Variants in CSMD1 observed in about 807,000 individuals in gnomAD.
The protein encoded by CSMD1 is CUB and Sushi multiple domains 1, also known as CUB and sushi domain-containing protein 1.
A neutral mutation model predicts 417.5 loss-of-function variants in CSMD1; 213 were observed. The observed-to-expected ratio is 0.51, with a 90% CI of 0.46 to 0.57. The LOEUF is 0.57. CSMD1 is among the 20% of genes least tolerant of loss of function. The pLI, the probability that CSMD1 is intolerant of heterozygous loss-of-function variation, is 0.00. For synonymous variants in CSMD1, 2,862 were observed against 1,736.8 expected (o/e 1.65, Z -16.11); for missense variants, 6,923 against 4,529.7 (o/e 1.53, Z -15.17).
chr8:3,158,341 T>C (rs1173659831), intron 38 of CSMD1, among the ~76,000 whole-genome samples: 1 of 152,086 alleles, frequency 6.6e-6, no homozygotes, highest in Non-Finnish European at 1.5e-5. Context: ...AATTAGAAAG[T>C]ACTAGGTGGT....
At chr8:4,185,090 G>C (rs887390559) in intron 3 of CSMD1, among the ~76,000 whole-genome samples, 1 of 127,692 alleles carries the variant, frequency 7.8e-6, no homozygotes, top group Non-Finnish European at 1.5e-5. Flanking sequence ...AGTGAGCCAA[G>C]ATCGCACCAC....
At chr8:3,016,572 G>T (rs1234983647) in intron 52 of CSMD1, among the ~76,000 whole-genome samples, 1 of 152,130 alleles carries the variant, frequency 6.6e-6, no homozygotes, top group Admixed American at 6.5e-5. Context: ...CAAAATGTTT[G>T]TGCTAAATGA....
chr8:4,876,214 G>C (rs1204176878), intron 1 of CSMD1, among the ~76,000 whole-genome samples: 1 of 151,950 alleles, frequency 6.6e-6, no homozygotes, highest in Non-Finnish European at 1.5e-5. Flanking sequence ...GCCACTTTTG[G>C]AGCTCAGTCT....
At chr8:4,173,464 G>C (rs1489199747) in intron 3 of CSMD1, among the ~76,000 whole-genome samples, 3 of 152,074 alleles carry the variant, frequency 2.0e-5, no homozygotes, top group African/African-American at 7.2e-5. Context: ...CAGAAGAAGA[G>C]ATAGTAAGTT....
intron 26 of CSMD1, among the ~76,000 whole-genome samples, chr8:3,255,410 A>G (rs1800577270): frequency 6.6e-6 from 1 of 152,154 alleles, no homozygotes; most frequent in African/African-American, 2.4e-5. Context: ...AGACAGGGAC[A>G]TTTCAGTCTG....
At chr8:3,240,230 T>A (rs538981893) in intron 26 of CSMD1, among the ~76,000 whole-genome samples, 1 of 151,956 alleles carries the variant, frequency 6.6e-6, no homozygotes, top group Non-Finnish European at 1.5e-5. Flanking sequence ...TGAAAAAGGT[T>A]GGGATGAGAC....
chr8:3,383,453 A>G (rs1373300159), intron 18 of CSMD1, among the ~76,000 whole-genome samples: 11 of 152,010 alleles, frequency 7.2e-5, no homozygotes, highest in African/African-American at 2.7e-4. Flanking sequence ...CTTCTTCCAC[A>G]CTAGAAAAAC....
chr8:4,885,597 G>C (rs753732366), intron 1 of CSMD1, among the ~76,000 whole-genome samples: 1 of 151,868 alleles, frequency 6.6e-6, no homozygotes, highest in Admixed American at 6.6e-5. Flanking sequence ...GGTGGCTTTT[G>C]TCCTTTATCC....
Position 3,796,809 on chromosome 8 carries a change from G to A in CSMD1, c.819-42767C>T, listed in dbSNP as rs188004553. Among the ~76,000 whole-genome samples, 11 of 151,186 alleles carry A rather than the reference G, an allele frequency of 7.3e-5. No homozygotes were observed. In the Admixed American group the frequency reaches 7.3e-4, roughly 10 times the overall value. On this transcript the variant is annotated intron_variant, in intron 5 of 69. Coordinates refer to ENST00000635120, the MANE Select transcript of CSMD1 (RefSeq NM_033225.6). ...AAATTCCATTCACTTCATTTTCATG[G>A]TATCAACATAAGAGATAAGCTTAAA...
chr8:3,775,086 G>T (rs1467364823), intron 5 of CSMD1, among the ~76,000 whole-genome samples: 1 of 152,178 alleles, frequency 6.6e-6, no homozygotes, highest in South Asian at 2.1e-4. Context: ...TTTGTTTCTG[G>T]AATTTTCTAT....
intron 3 of CSMD1, among the ~76,000 whole-genome samples, chr8:4,220,486 C>T (rs1800960262): frequency 6.6e-6 from 1 of 152,130 alleles, no homozygotes; most frequent in South Asian, 2.1e-4. Flanking sequence ...TTTAAAACAT[C>T]ACTTTGTGTA....
At chr8:4,103,974 T>C (rs1801435723) in intron 3 of CSMD1, among the ~76,000 whole-genome samples, 1 of 152,192 alleles carries the variant, frequency 6.6e-6, no homozygotes, top group Non-Finnish European at 1.5e-5. Context: ...ACGCGTGAGC[T>C]CCTGATGTTC....
intron 4 of CSMD1, among the ~76,000 whole-genome samples, chr8:4,027,925 A>G (rs914307930): frequency 6.6e-6 from 1 of 152,330 alleles, no homozygotes; most frequent in Admixed American, 6.5e-5. Flanking sequence ...TGTAATGGAA[A>G]TAATGGTAGA....
At chr8:4,276,359 C>T (rs1796486432) in intron 3 of CSMD1, among the ~76,000 whole-genome samples, 1 of 152,130 alleles carries the variant, frequency 6.6e-6, no homozygotes, top group African/African-American at 2.4e-5. Context: ...TCATTGTCAG[C>T]AAACTATCAC....
At chr8:4,937,127 T>G (rs529911770) in intron 1 of CSMD1, among the ~76,000 whole-genome samples, 1 of 152,318 alleles carries the variant, frequency 6.6e-6, no homozygotes, top group Admixed American at 6.5e-5. Context: ...GGTGGAGGAC[T>G]GCTTGGGCCC....
chr8:4,040,063 G>C (rs903475574), intron 3 of CSMD1, among the ~76,000 whole-genome samples: 3 of 152,030 alleles, frequency 2.0e-5, no homozygotes, highest in Admixed American at 6.6e-5. Flanking sequence ...CAAATGTTAG[G>C]GAAATAATAC....
intron 5 of CSMD1, among the ~76,000 whole-genome samples, chr8:3,979,696 T>A (rs1585069762): frequency 6.6e-6 from 1 of 152,292 alleles, no homozygotes; most frequent in African/African-American, 2.4e-5. Flanking sequence ...CAGGACGCAA[T>A]GCGTACCCAG....
intron 5 of CSMD1, among the ~76,000 whole-genome samples, chr8:3,860,350 T>G (rs2129105357): frequency 6.6e-6 from 1 of 152,276 alleles, no homozygotes; most frequent in South Asian, 2.1e-4. Context: ...ATAGGGCAAT[T>G]TCAGTTCATT....
intron 27 of CSMD1, among the ~76,000 whole-genome samples, chr8:3,229,102 A>G (rs1032940269): frequency 4.6e-5 from 7 of 152,100 alleles, no homozygotes; most frequent in African/African-American, 1.7e-4. Flanking sequence ...CAGCTCCCCA[A>G]GACCACTGAG....
Sources: allele counts gnomAD v4.1 joint callset (sites outside exome capture counted in the v4.1 genomes callset), GRCh38; gene constraint gnomAD v4.1.1; transcripts MANE v1.5; gene names NCBI Gene and HGNC (gene_info 2026-07-23, HGNC 2026-07-21).